DST: variants seen among roughly 807,000 people sequenced by gnomAD.
DST encodes the protein bullous pemphigoid antigen.
Under a neutral mutation model 875.2 loss-of-function variants are expected in DST, and 253 were observed. The ratio of observed to expected loss-of-function variants is 0.29; its 90% CI spans 0.26 to 0.32. DST has a LOEUF of 0.32. Among genes scored for constraint, DST ranks in the 10% least tolerant of loss-of-function variants. DST has a pLI of 1.00. For missense variants in DST, 8,287 were observed against 9,111.6 expected (o/e 0.91, Z 3.68); for synonymous variants, 3,124 against 3,197.1 (o/e 0.98, Z 0.77).
At position 56,742,287 on chromosome 6, in the gene DST, TC is replaced by T. The variant is rs990678376; in HGVS notation, c.626-6999del. Reference sequence around the variant, plus strand: ...ACTACTAACCCATACAGCACATCAGTCCCACCAGCTTTGCGTTCCAATCTTG... The same window carrying T: ...ACTACTAACCCATACAGCACATCAGTCCACCAGCTTTGCGTTCCAATCTTG... On this transcript the variant is annotated intron_variant, in intron 4 of 103. Coordinates refer to ENST00000680361, the MANE Select transcript of DST (RefSeq NM_001374736.1). 3 of 1,289,370 alleles carry T rather than the reference TC, an allele frequency of 2.3e-6. No individual in the cohort carries two copies. In the African/African-American group the frequency reaches 4.6e-5, roughly 20 times the overall value. 79.9% of individuals were successfully genotyped at this position (1,289,370 alleles called of 1,614,324 possible).
chr6:56,784,284 T>G (rs1276012237), intron 4 of DST, among the ~76,000 whole-genome samples: 3 of 152,224 alleles, frequency 2.0e-5, no homozygotes, highest in Admixed American at 6.5e-5. Flanking sequence ...CTTGCTAGAT[T>G]GGGGAAGTTC....
chr6:56,494,599 AT>A (rs2095850953), intron 82 of DST, among the ~76,000 whole-genome samples: 1 of 152,212 alleles, frequency 6.6e-6, no homozygotes, highest in East Asian at 1.9e-4. Flanking sequence ...GTAGTATTTC[AT>A]TGGTACGATT....
rs115052014 is a variant in DST at position 56,517,658 on chromosome 6, G to A, written c.18130-38C>T. ...TAAATAATTAGGTCAGCACGTTCCCGTTCCTGATGCCAGAAAATACCTATC... is the reference window on the plus strand; with the variant it reads ...TAAATAATTAGGTCAGCACGTTCCCATTCCTGATGCCAGAAAATACCTATC... On this transcript the variant is annotated intron_variant, in intron 69 of 103. Transcript: ENST00000680361. The A allele has an allele frequency of 8.6e-4, 1,364 of 1,579,150 alleles. 10 individuals are homozygous for A. The African/African-American group carries it at 0.016, about 19-fold the overall frequency.
Position 56,476,260 on chromosome 6 carries a change from C to T in DST, c.21753G>A (p.Leu7251=). Residue 7251 remains leucine, a synonymous_variant, in exon 92 of 104, where the codon TTG becomes TTA. Transcript: ENST00000680361. ...ATTGCAACCAAGCCAGCAAAGCTTC[C>T]AACAATTCCTGTTTGGCAATAAGCC... ...LAGLIAKQEL[L]EALLAWLQWA... is the part of the protein sequence containing the mutation. 6.2e-7 allele frequency: 1 copy of T among 1,610,278 alleles called. No individual in the cohort carries two copies. The highest frequency in any genetic ancestry group is 8.5e-7 in the Non-Finnish European group (1 of 1,178,040).
chr6:56,573,027 A>G lies in DST; in HGVS notation c.13274T>C (p.Ile4425Thr). 1 of 1,601,404 alleles carries G rather than the reference A, an allele frequency of 6.2e-7. No homozygotes were observed. The highest frequency in any genetic ancestry group is 2.2e-5 in the East Asian group (1 of 44,620). ...CTTCACTTTTTCATTCATGGCATTT[A>G]TACTGCTCTGACGACCTGCAATATC... The part of the protein sequence containing the change: ...EQDIAGRQSS[I>T]NAMNEKVKKF... Residue 4425 changes from isoleucine (I) to threonine (T), a missense_variant, in exon 52 of 104, where the codon ATA (isoleucine) becomes ACA (threonine). Physicochemically the swap from Ile to Thr is moderately conservative, Grantham distance 89. This residue lies in a region of DST where 1,513 missense variants were observed against 1,677.8 expected (regional missense o/e 0.90). Transcript: ENST00000680361.
At chr6:56,739,680 G>A (rs1052861572) in intron 4 of DST, among the ~76,000 whole-genome samples, 1 of 152,166 alleles carries the variant, frequency 6.6e-6, no homozygotes, top group African/African-American at 2.4e-5. Context: ...TAAAGATGCT[G>A]ACTAAAACCC....
intron 90 of DST, among the ~76,000 whole-genome samples, chr6:56,479,729 G>A (rs1481304808): frequency 8.5e-5 from 13 of 152,092 alleles, no homozygotes; most frequent in African/African-American, 2.2e-4. Flanking sequence ...AACAATGGGC[G>A]CACATGGACA....
At chr6:56,816,593 T>C (rs1039164037) in intron 4 of DST, among the ~76,000 whole-genome samples, 2 of 152,210 alleles carry the variant, frequency 1.3e-5, no homozygotes, top group African/African-American at 4.8e-5. Flanking sequence ...TCGTTGCTCA[T>C]TATAAGCATC....
intron 9 of DST, among the ~76,000 whole-genome samples, chr6:56,685,758 T>A (rs1379895100): frequency 2.6e-5 from 4 of 151,490 alleles, no homozygotes; most frequent in Non-Finnish European, 5.9e-5. Context: ...TCAAAAAAAA[T>A]AAAAATCAAA....
chr6:56,784,072 T>G (rs1004567682), intron 4 of DST, among the ~76,000 whole-genome samples: 9 of 152,228 alleles, frequency 5.9e-5, no homozygotes, highest in Non-Finnish European at 1.3e-4. Context: ...TTCTGGCTTG[T>G]AGAGTTTCTG....
chr6:56,587,605 A>G lies in DST; in HGVS notation c.12903+4577T>C, dbSNP rs373416366. Among the ~76,000 whole-genome samples the G allele has an allele frequency of 1.6e-4, 25 of 152,310 alleles. No homozygotes were observed. The East Asian group carries it at 4.2e-3, about 26-fold the overall frequency. ...GAGAGGAGCAACTCCAAGACACATAATTGTCAGATTCACCAAAGTTGAAAT... is the reference window on the plus strand; with the variant it reads ...GAGAGGAGCAACTCCAAGACACATAGTTGTCAGATTCACCAAAGTTGAAAT... On this transcript the variant is annotated intron_variant, in intron 49 of 103. Transcript: ENST00000680361.
intron 10 of DST, among the ~76,000 whole-genome samples, chr6:56,661,969 T>C (rs979020457): frequency 3.9e-5 from 6 of 152,148 alleles, no homozygotes; most frequent in Admixed American, 3.9e-4. Context: ...TCGTAATACA[T>C]GCATGCTTAG....
At position 56,589,544 on chromosome 6, in the gene DST, GTACAATTCA is replaced by G. The variant is rs1324175722; in HGVS notation, c.12903+2629_12903+2637del. Among the ~76,000 whole-genome samples the G allele has an allele frequency of 2.0e-5, 3 of 152,300 alleles. No homozygotes were observed. In the East Asian group the frequency reaches 5.8e-4, roughly 29 times the overall value. ...GAAGTCTATACACTTCTGGGCATTT[GTACAATTCA>G]TAAAAGTTTCCTGACTTAACACCAC... On this transcript the variant is annotated intron_variant, in intron 49 of 103. Coordinates refer to ENST00000680361, the MANE Select transcript of DST (RefSeq NM_001374736.1).
At chr6:56,948,983 C>T (rs1442878807) in intron 2 of DST, among the ~76,000 whole-genome samples, 1 of 152,172 alleles carries the variant, frequency 6.6e-6, no homozygotes, top group Non-Finnish European at 1.5e-5. Flanking sequence ...ACAAAAGAGA[C>T]TTGACCAAGG....
chr6:56,542,703 G>A (rs918752733), intron 61 of DST: 2 of 152,662 alleles, frequency 1.3e-5, no homozygotes, highest in African/African-American at 4.8e-5. Context: ...ACTCCGGAAG[G>A]GAGCTCCGGG....
intron 9 of DST, among the ~76,000 whole-genome samples, chr6:56,674,458 T>C (rs2099118178): frequency 6.6e-6 from 1 of 152,130 alleles, no homozygotes; most frequent in South Asian, 2.1e-4. Flanking sequence ...CTAACATATC[T>C]GGCAATTTCT....
chr6:56,630,428 A>G (rs991848551), intron 30 of DST, 45 bp from the exon 31 acceptor site: 6 of 1,560,992 alleles, frequency 3.8e-6, no homozygotes, highest in Non-Finnish European at 5.3e-6. Flanking sequence ...TTAAATGTTT[A>G]TTTTTGCATA....
intron 3 of DST, chr6:56,852,167 G>C: frequency 2.7e-6 from 2 of 735,264 alleles, no homozygotes; most frequent in Non-Finnish European, 3.3e-6. Flanking sequence ...TTCTTCATGA[G>C]ACTGAAGCAG....
At chr6:56,941,155 C>A (rs1385667010) in intron 2 of DST, among the ~76,000 whole-genome samples, 1 of 152,132 alleles carries the variant, frequency 6.6e-6, no homozygotes, top group Non-Finnish European at 1.5e-5. Flanking sequence ...TTTAGACTTT[C>A]CTTCTTTTCT....
Sources: allele counts gnomAD v4.1 joint callset (sites outside exome capture counted in the v4.1 genomes callset), GRCh38; gene constraint gnomAD v4.1.1; regional missense constraint gnomAD v4.1.1; transcripts MANE v1.5; gene names NCBI Gene and HGNC (gene_info 2026-07-23, HGNC 2026-07-21).